The following EPB41 variants were observed in gnomAD, a reference collection of about 807,000 sequenced individuals.
EPB41 encodes the protein erythrocyte membrane protein band 4.1.
Under a neutral mutation model 108.0 loss-of-function variants are expected in EPB41, and 65 were observed. The ratio of observed to expected loss-of-function variants is 0.60; its 90% CI spans 0.49 to 0.74. The LOEUF (loss-of-function observed/expected upper bound fraction) is 0.74. EPB41 is among the 30% of genes least tolerant of loss of function. The probability of loss-of-function intolerance (pLI) is 0.00; values close to 1 mark genes in which losing one functional copy is unlikely to be tolerated. For synonymous variants in EPB41, 336 were observed against 358.9 expected (o/e 0.94, Z 0.72); for missense variants, 875 against 1,037.0 (o/e 0.84, Z 2.15).
chr1:28,897,153 CT>C (rs2090756572), intron 1 of EPB41, among the ~76,000 whole-genome samples: 1 of 152,116 alleles, frequency 6.6e-6, no homozygotes, highest in Non-Finnish European at 1.5e-5. Context: ...CCTGGTAGGT[CT>C]GGTAGGGATG....
At chr1:29,046,608 C>A (rs190805903) in intron 11 of EPB41, among the ~76,000 whole-genome samples, 1 of 152,190 alleles carries the variant, frequency 6.6e-6, no homozygotes, top group African/African-American at 2.4e-5. Context: ...TGAATACAAG[C>A]ATTAATAACT....
intron 11 of EPB41, among the ~76,000 whole-genome samples, chr1:29,045,241 T>C (rs140312559): frequency 6.6e-6 from 1 of 152,312 alleles, no homozygotes; most frequent in East Asian, 1.9e-4. Flanking sequence ...GCTATAACCC[T>C]CCTTTTGTTT....
intron 16 of EPB41, chr1:29,096,447 C>A: frequency 1.0e-6 from 1 of 985,882 alleles, no homozygotes; most frequent in Non-Finnish European, 1.2e-6. Context: ...TTAAAGTTCT[C>A]AGTAACACCA....
intron 1 of EPB41, among the ~76,000 whole-genome samples, chr1:28,891,889 C>A (rs1161933586): frequency 6.6e-6 from 1 of 151,848 alleles, no homozygotes; most frequent in Non-Finnish European, 1.5e-5. Flanking sequence ...AGGAGTTCGA[C>A]ACAGCCTGGC....
chr1:28,906,304 C>T (rs1417490154), intron 1 of EPB41, among the ~76,000 whole-genome samples: 1 of 152,200 alleles, frequency 6.6e-6, no homozygotes, highest in African/African-American at 2.4e-5. Context: ...TATATCTCCC[C>T]TTCTGCCCTG....
intron 16 of EPB41, among the ~76,000 whole-genome samples, chr1:29,068,399 A>T (rs1356455616): frequency 6.6e-6 from 1 of 152,170 alleles, no homozygotes; most frequent in African/African-American, 2.4e-5. Context: ...TTTAATAGAA[A>T]CCTTTCAGAA....
chr1:28,894,580 C>T lies in EPB41; in HGVS notation c.-8+7370C>T, dbSNP rs527504297. Among the ~76,000 whole-genome samples the T allele has an allele frequency of 7.2e-4, 110 of 152,114 alleles. 1 individual carries two copies. The highest frequency in any genetic ancestry group is 2.6e-3 in the African/African-American group (107 of 41,490). On this transcript the variant is annotated intron_variant, in intron 1 of 16. Coordinates refer to the EPB41 transcript ENST00000347529. ...TCCTGGAGAGGGAGTGACAGAGCCT[C>T]TAGTTTTCATCAGAAGAGAGAGGCA...
At chr1:28,901,030 T>C (rs910476499) in intron 1 of EPB41, among the ~76,000 whole-genome samples, 12 of 149,756 alleles carry the variant, frequency 8.0e-5, no homozygotes, top group Admixed American at 2.6e-4. Context: ...CCCGGGTTCA[T>C]GCCATTCTCC....
intron 1 of EPB41, among the ~76,000 whole-genome samples, chr1:28,898,156 G>T (rs1054943407): frequency 2.6e-5 from 4 of 152,164 alleles, no homozygotes; most frequent in South Asian, 2.1e-4. Flanking sequence ...AGGAGATGAG[G>T]CTGGTCAGGG....
intron 7 of EPB41, among the ~76,000 whole-genome samples, chr1:29,026,657 C>T (rs1214878464): frequency 3.3e-5 from 5 of 152,140 alleles, no homozygotes. Flanking sequence ...GGCATGGTGG[C>T]TCATGCCTGT....
intron 1 of EPB41, among the ~76,000 whole-genome samples, chr1:28,941,712 A>G (rs1191355754): frequency 4.6e-5 from 7 of 152,060 alleles, no homozygotes; most frequent in Non-Finnish European, 2.9e-5. Flanking sequence ...CCTGACCAAC[A>G]TGGAGAAACC....
At chr1:29,042,708 G>A (rs1050891889) in intron 11 of EPB41, among the ~76,000 whole-genome samples, 6 of 151,870 alleles carry the variant, frequency 4.0e-5, no homozygotes, top group Non-Finnish European at 8.8e-5. Flanking sequence ...TGAACTCCTG[G>A]CCTCAAGTAA....
Position 29,017,943 on chromosome 1 carries a change from C to G in EPB41, c.906-281C>G, listed in dbSNP as rs557330716. On this transcript the variant is annotated intron_variant, in intron 6 of 20. Transcript: ENST00000343067. ...CTTCCTTTAGACTTTTCCAACCTTT[C>G]CTCTTTCTAAATGTGTCCAATATAG... 2.0e-5 allele frequency among the ~76,000 whole-genome samples: 3 copies of G among 152,226 alleles called. No homozygotes were observed. In the South Asian group the frequency reaches 6.2e-4, roughly 32 times the overall value.
rs1671516991 is a variant in EPB41, at chr1:29,119,448, TTTTAA to T, written c.*2640_*2644del. Reference sequence around the variant, plus strand: ...AGTAACAACTCTCGCTGCAATTTTATTTTAATTTGAGAAATAAAGATTTCCTCCAA... The same window carrying T: ...AGTAACAACTCTCGCTGCAATTTTATTTTGAGAAATAAAGATTTCCTCCAA... On this transcript the variant is annotated 3_prime_UTR_variant, in exon 21 of 21. Coordinates refer to ENST00000343067, the MANE Select transcript of EPB41 (RefSeq NM_001376013.1). 1 of 152,732 alleles carries T rather than the reference TTTTAA, an allele frequency of 6.5e-6. No homozygotes were observed. Among genetic ancestry groups the T allele is most frequent in the Middle Eastern group, 3.4e-3 (1 of 294 alleles). 9.5% of individuals were successfully genotyped at this position (152,732 alleles called of 1,614,324 possible).
At chr1:28,998,565 A>G (rs376737598) in intron 4 of EPB41, among the ~76,000 whole-genome samples, 7 of 152,174 alleles carry the variant, frequency 4.6e-5, no homozygotes, top group East Asian at 1.9e-4. Flanking sequence ...AAGACATGGA[A>G]TTATCCTTTT....
chr1:28,926,212 A>G (rs1227410061), intron 1 of EPB41, among the ~76,000 whole-genome samples: 1 of 151,872 alleles, frequency 6.6e-6, no homozygotes, highest in African/African-American at 2.4e-5. Context: ...AAAAATTACA[A>G]TTCAAGATGA....
Position 28,920,058 on chromosome 1 carries a change from T to C in EPB41, c.-8+5290T>C, listed in dbSNP as rs2092966106. 2.0e-5 allele frequency among the ~76,000 whole-genome samples: 3 copies of C among 152,220 alleles called. No individual in the cohort carries two copies. The South Asian group carries it at 6.2e-4, about 32-fold the overall frequency. ...AAAATTGTTTCTAAGCTATGTGGAA[T>C]AGAGCTTGGGTAAGGTTAAAGAAAT... On this transcript the variant is annotated intron_variant, in intron 1 of 20. Transcript: ENST00000343067.
At chr1:29,099,090 C>T (rs954837183) in intron 17 of EPB41, among the ~76,000 whole-genome samples, 5 of 149,108 alleles carry the variant, frequency 3.4e-5, no homozygotes, top group East Asian at 2.0e-4. Context: ...GGGCAGATCA[C>T]GAGGTCAGGA....
At chr1:29,065,401 T>C in intron 16 of EPB41, 2 of 469,834 alleles carry the variant, frequency 4.3e-6, no homozygotes, top group Non-Finnish European at 7.0e-6. Context: ...CTGAGAACTG[T>C]CTCTGCAGCT....
Sources: gnomAD v4.1 joint callset for allele counts (sites outside exome capture counted in the v4.1 genomes callset) on GRCh38, gnomAD v4.1.1 for gene constraint, MANE v1.5 for transcripts, NCBI Gene and HGNC (gene_info 2026-07-23, HGNC 2026-07-21) for gene names.